IMPG1: variants seen among roughly 807,000 people sequenced by gnomAD.
IMPG1 encodes interphotoreceptor matrix proteoglycan of 150 kDa.
A neutral mutation model predicts 92.0 loss-of-function variants in IMPG1; 85 were observed. That is an observed-to-expected ratio of 0.92 (90% CI 0.78 to 1.11). The LOEUF (loss-of-function observed/expected upper bound fraction) is 1.11, where lower values mean the gene tolerates loss of function less well. Among genes scored for constraint, IMPG1 ranks in the 50% least tolerant of loss-of-function variants. The probability of loss-of-function intolerance (pLI) is 0.00; values close to 1 mark genes in which losing one functional copy is unlikely to be tolerated. For missense variants in IMPG1, 1,022 were observed against 956.0 expected (o/e 1.07, Z -0.91); for synonymous variants, 367 against 334.1 (o/e 1.10, Z -1.08).
At chr6:76,006,372 A>G (rs988571250) in intron 9 of IMPG1, among the ~76,000 whole-genome samples, 1 of 148,406 alleles carries the variant, frequency 6.7e-6, no homozygotes, top group Non-Finnish European at 1.5e-5. Flanking sequence ...ATGCATATAC[A>G]CATATATGTA....
In IMPG1 at chr6:75,931,129, C is replaced by G; in HGVS notation, c.2067G>C (p.Lys689Asn). Residue 689 changes from lysine (K) to asparagine (N), a missense_variant, in exon 15 of 17, where the codon AAG becomes AAC. Around this residue, in one of 3 missense-constraint regions of IMPG1, gnomAD observed 332 missense variants for 346.2 expected, o/e 0.96. Coordinates refer to ENST00000369950, the MANE Select transcript of IMPG1 (RefSeq NM_001563.4). ...IEPADQADPC[K>N]FLACGEFAQC... is the part of the protein sequence containing the mutation. ...GGGCAAATTCGCCGCAGGCCAGGAA[C>G]TTGCAGGGATCTGCTTGATCAGCTG... The G allele has an allele frequency of 6.2e-7, 1 of 1,613,710 alleles. No homozygotes were observed. Among genetic ancestry groups the G allele is most frequent in the South Asian group, 1.1e-5 (1 of 90,968 alleles).
At chr6:76,064,948 C>T (rs920327866) in intron 1 of IMPG1, among the ~76,000 whole-genome samples, 1 of 152,058 alleles carries the variant, frequency 6.6e-6, no homozygotes, top group Non-Finnish European at 1.5e-5. Context: ...AGTACAAAGG[C>T]TACCTACAAC....
intron 1 of IMPG1, 152 bp downstream of exon 1, chr6:76,072,270 T>G: frequency 2.1e-6 from 1 of 486,520 alleles, no homozygotes; most frequent in Non-Finnish European, 3.6e-6. Flanking sequence ...TTTCTGATAG[T>G]TAATTATTCA....
At chr6:75,943,081 G>A (rs1781860960) in intron 14 of IMPG1, among the ~76,000 whole-genome samples, 1 of 152,100 alleles carries the variant, frequency 6.6e-6, no homozygotes, top group South Asian at 2.1e-4. Flanking sequence ...TCCCTGGATT[G>A]GAACAAGGGT....
intron 12 of IMPG1, among the ~76,000 whole-genome samples, chr6:75,995,916 G>C (rs1562363180): frequency 6.6e-6 from 1 of 152,294 alleles, no homozygotes; most frequent in East Asian, 1.9e-4. Flanking sequence ...ATCATGACAG[G>C]CATAAAGTAT....
chr6:75,994,040 C>A (rs1384312945), intron 12 of IMPG1, among the ~76,000 whole-genome samples: 2 of 152,224 alleles, frequency 1.3e-5, no homozygotes, highest in Non-Finnish European at 2.9e-5. Flanking sequence ...TGGTGAGGTG[C>A]TAGCACTTCA....
intron 1 of IMPG1, among the ~76,000 whole-genome samples, chr6:76,067,106 C>T (rs1230590348): frequency 1.3e-5 from 2 of 151,838 alleles, no homozygotes; most frequent in Non-Finnish European, 2.9e-5. Flanking sequence ...CACAAATTAA[C>T]AACCTAATGT....
At chr6:76,014,372 T>G (rs1037045459) in intron 7 of IMPG1, among the ~76,000 whole-genome samples, 3 of 152,128 alleles carry the variant, frequency 2.0e-5, no homozygotes, top group African/African-American at 7.2e-5. Context: ...AGGGTCCCTG[T>G]AGAGGTCAGG....
intron 1 of IMPG1, among the ~76,000 whole-genome samples, chr6:76,048,012 C>T (rs1441149781): frequency 2.0e-5 from 3 of 152,174 alleles, no homozygotes; most frequent in African/African-American, 4.8e-5. Context: ...CACTTTCAAT[C>T]TTTCCATAAG....
intron 12 of IMPG1, among the ~76,000 whole-genome samples, chr6:75,991,679 G>A (rs1344998300): frequency 6.6e-6 from 1 of 152,004 alleles, no homozygotes; most frequent in Non-Finnish European, 1.5e-5. Flanking sequence ...CTCTTCTTCT[G>A]CTACGAGCTC....
chr6:76,031,762 TA>T (rs1783656247), intron 4 of IMPG1, among the ~76,000 whole-genome samples: 1 of 152,074 alleles, frequency 6.6e-6, no homozygotes, highest in Non-Finnish European at 1.5e-5. Flanking sequence ...TGTCTTGCTG[TA>T]AAAAAAAGTA....
intron 1 of IMPG1, among the ~76,000 whole-genome samples, chr6:76,071,477 T>C (rs1320100506): frequency 6.6e-6 from 1 of 151,800 alleles, no homozygotes; most frequent in Non-Finnish European, 1.5e-5. Context: ...TGTGAAAACA[T>C]GAAGAAATCT....
chr6:76,042,557 C>A (rs1783864288), intron 1 of IMPG1, among the ~76,000 whole-genome samples: 1 of 152,086 alleles, frequency 6.6e-6, no homozygotes, highest in Non-Finnish European at 1.5e-5. Flanking sequence ...CCTAGCGGAA[C>A]AATGCAACAA....
chr6:75,932,619 A>AT (rs896482334), intron 14 of IMPG1, among the ~76,000 whole-genome samples: 6 of 151,946 alleles, frequency 3.9e-5, no homozygotes, highest in African/African-American at 1.5e-4. Context: ...TGTTGTTATC[A>AT]TTTTCTTTAT....
intron 13 of IMPG1, among the ~76,000 whole-genome samples, chr6:75,950,191 AC>A (rs1562344973): frequency 6.6e-6 from 1 of 152,136 alleles, no homozygotes; most frequent in Non-Finnish European, 1.5e-5. Context: ...CTAACTTTGT[AC>A]CCTTTCATGA....
At chr6:76,018,945 C>A in intron 6 of IMPG1, 87 bp from the exon 7 acceptor site, 1 of 1,242,660 alleles carries the variant, frequency 8.0e-7, no homozygotes, top group South Asian at 1.7e-5. Context: ...GATACTGTCT[C>A]AAGAAGTGGA....
chr6:75,944,268 C>A (rs1781885298), intron 14 of IMPG1, among the ~76,000 whole-genome samples: 1 of 152,210 alleles, frequency 6.6e-6, no homozygotes, highest in East Asian at 1.9e-4. Flanking sequence ...TCCTCCTTCC[C>A]CTCACTGTTG....
chr6:75,999,559 T>C (rs534773326), intron 12 of IMPG1, among the ~76,000 whole-genome samples: 5 of 151,536 alleles, frequency 3.3e-5, no homozygotes, highest in Non-Finnish European at 7.4e-5. Context: ...GCCCCTGCAC[T>C]TTTTTTTTGT....
At chr6:75,972,709 A>G (rs1335197710) in intron 12 of IMPG1, among the ~76,000 whole-genome samples, 1 of 152,246 alleles carries the variant, frequency 6.6e-6, no homozygotes, top group Non-Finnish European at 1.5e-5. Flanking sequence ...CTCGAACTTT[A>G]CCAAATTATA....
Sources: allele counts gnomAD v4.1 joint callset (sites outside exome capture counted in the v4.1 genomes callset), GRCh38; gene constraint gnomAD v4.1.1; regional missense constraint gnomAD v4.1.1; transcripts MANE v1.5; gene names NCBI Gene and HGNC (gene_info 2026-07-23, HGNC 2026-07-21).